AUTS2: variants seen among roughly 807,000 people sequenced by gnomAD.
AUTS2 encodes activator of transcription and developmental regulator AUTS2.
Under a neutral mutation model 112.4 loss-of-function variants are expected in AUTS2, and 17 were observed. The observed-to-expected ratio is 0.15, with a 90% CI of 0.10 to 0.23. The LOEUF (loss-of-function observed/expected upper bound fraction) is 0.23, where lower values mean the gene tolerates loss of function less well. AUTS2 is among the 10% of genes least tolerant of loss of function. The pLI is 1.00. For missense variants in AUTS2, 1,510 were observed against 1,701.6 expected (o/e 0.89, Z 1.98); for synonymous variants, 751 against 702.7 (o/e 1.07, Z -1.09).
intron 5 of AUTS2, among the ~76,000 whole-genome samples, chr7:70,496,656 G>C (rs1269389962): frequency 1.1e-5 from 1 of 91,176 alleles, no homozygotes; most frequent in Non-Finnish European, 2.1e-5. Flanking sequence ...ACATGCACAC[G>C]TCACATCAGC....
intron 4 of AUTS2, among the ~76,000 whole-genome samples, chr7:70,136,376 A>C (rs1806563515): frequency 6.6e-6 from 1 of 152,208 alleles, no homozygotes. Context: ...TGTGTTTCCA[A>C]TAATGTGATT....
At chr7:70,084,082 A>C (rs1171497108) in intron 2 of AUTS2, among the ~76,000 whole-genome samples, 1 of 152,218 alleles carries the variant, frequency 6.6e-6, no homozygotes, top group African/African-American at 2.4e-5. Context: ...ACAAACAAAA[A>C]AAACAAAAAA....
intron 2 of AUTS2, among the ~76,000 whole-genome samples, chr7:70,089,795 G>A (rs1335681544): frequency 6.6e-6 from 1 of 151,978 alleles, no homozygotes; most frequent in East Asian, 1.9e-4. Context: ...GATCACTTGA[G>A]GTCAGGAGTT....
At chr7:70,084,152 A>G (rs895864702) in intron 2 of AUTS2, among the ~76,000 whole-genome samples, 22 of 152,178 alleles carry the variant, frequency 1.4e-4, no homozygotes, top group Non-Finnish European at 3.1e-4. Context: ...CTAGAATTGC[A>G]TATAAATGGC....
At chr7:70,644,041 G>A (rs1806008805) in intron 5 of AUTS2, among the ~76,000 whole-genome samples, 1 of 152,148 alleles carries the variant, frequency 6.6e-6, no homozygotes, top group Admixed American at 6.5e-5. Context: ...TGATGCTGAG[G>A]CTGCTGGTCT....
At chr7:70,487,258 T>G (rs1437338603) in intron 5 of AUTS2, among the ~76,000 whole-genome samples, 1 of 152,062 alleles carries the variant, frequency 6.6e-6, no homozygotes, top group African/African-American at 2.4e-5. Flanking sequence ...CCCTCCATAG[T>G]GTGCTCCAAC....
Position 69,795,980 on chromosome 7 carries a change from C to T in AUTS2, c.310-103306C>T, listed in dbSNP as rs529853422. Among the ~76,000 whole-genome samples the T allele has an allele frequency of 7.2e-5, 11 of 152,254 alleles. 1 individual carries two copies. In the South Asian group the frequency reaches 2.3e-3, roughly 32 times the overall value. ...CTTGGGTTCATGCACATAGTTACCT[C>T]GATTAAAAAATAAGTTTTTGGAGCT... On this transcript the variant is annotated intron_variant, in intron 1 of 18. Coordinates refer to ENST00000342771, the MANE Select transcript of AUTS2 (RefSeq NM_015570.4).
chr7:70,589,772 C>T (rs1317224427), intron 5 of AUTS2, among the ~76,000 whole-genome samples: 1 of 152,090 alleles, frequency 6.6e-6, no homozygotes, highest in African/African-American at 2.4e-5. Flanking sequence ...TTCTGTTCAG[C>T]TTCTATTATA....
intron 4 of AUTS2, among the ~76,000 whole-genome samples, chr7:70,153,994 C>G (rs1177683428): frequency 6.6e-6 from 1 of 152,302 alleles, no homozygotes; most frequent in East Asian, 1.9e-4. Context: ...CACTGCTGTC[C>G]TCTGTTAATG....
intron 4 of AUTS2, among the ~76,000 whole-genome samples, chr7:70,155,092 G>T (rs567270405): frequency 4.3e-4 from 65 of 152,246 alleles, no homozygotes; most frequent in Non-Finnish European, 7.8e-4. Context: ...AATAACATTT[G>T]CCCAGGAATA....
At chr7:70,091,496 G>GT (rs1803917835) in intron 2 of AUTS2, among the ~76,000 whole-genome samples, 1 of 152,058 alleles carries the variant, frequency 6.6e-6, no homozygotes, top group Non-Finnish European at 1.5e-5. Context: ...TCATATAAAA[G>GT]TTACTACCAG....
intron 10 of AUTS2, among the ~76,000 whole-genome samples, chr7:70,768,714 G>A (rs1357170376): frequency 6.6e-6 from 1 of 151,920 alleles, no homozygotes; most frequent in Middle Eastern, 3.2e-3. Flanking sequence ...AGTATGTTCT[G>A]GAACTTCAAT....
intron 4 of AUTS2, among the ~76,000 whole-genome samples, chr7:70,222,983 G>C (rs1811565380): frequency 6.6e-6 from 1 of 151,636 alleles, no homozygotes; most frequent in South Asian, 2.1e-4. Context: ...TGCCTCTTGG[G>C]TTCAGGCGGT....
chr7:70,299,665 G>A (rs1044922531), intron 4 of AUTS2, among the ~76,000 whole-genome samples: 3 of 152,158 alleles, frequency 2.0e-5, no homozygotes, highest in African/African-American at 7.2e-5. Flanking sequence ...TCCCTCACCT[G>A]CCAAGGTGCC....
At chr7:70,071,031 G>A (rs1006873006) in intron 2 of AUTS2, among the ~76,000 whole-genome samples, 2 of 152,094 alleles carry the variant, frequency 1.3e-5, no homozygotes, top group African/African-American at 2.4e-5. Flanking sequence ...ATGAAATACT[G>A]TACTGAAGCA....
At chr7:70,215,385 A>G (rs1811117348) in intron 4 of AUTS2, among the ~76,000 whole-genome samples, 1 of 152,226 alleles carries the variant, frequency 6.6e-6, no homozygotes, top group South Asian at 2.1e-4. Context: ...TTGTCTCCTC[A>G]TAATTAGCAA....
chr7:69,762,508 C>T (rs1041977301), intron 1 of AUTS2, among the ~76,000 whole-genome samples: 1 of 151,684 alleles, frequency 6.6e-6, no homozygotes, highest in Non-Finnish European at 1.5e-5. Context: ...GGGGTTTTGC[C>T]ATGTTGCCCA....
intron 1 of AUTS2, among the ~76,000 whole-genome samples, chr7:69,727,188 G>T (rs1342119653): frequency 6.6e-6 from 1 of 152,062 alleles, no homozygotes; most frequent in East Asian, 1.9e-4. Context: ...TGTGATATGA[G>T]GTAAGGGTAG....
intron 5 of AUTS2, among the ~76,000 whole-genome samples, chr7:70,446,214 G>T (rs1383183466): frequency 6.6e-6 from 1 of 152,230 alleles, no homozygotes; most frequent in Non-Finnish European, 1.5e-5. Context: ...AGCAAATGCT[G>T]CGTGGGCTGT....
Sources: allele counts gnomAD v4.1 joint callset (sites outside exome capture counted in the v4.1 genomes callset), GRCh38; gene constraint gnomAD v4.1.1; transcripts MANE v1.5; gene names NCBI Gene and HGNC (gene_info 2026-07-23, HGNC 2026-07-21).